RNF17: variants seen among roughly 807,000 people sequenced by gnomAD.
RNF17 encodes the protein ring finger protein 17.
Under a neutral mutation model 200.5 loss-of-function variants are expected in RNF17, and 31 were observed. The observed-to-expected ratio is 0.15, with a 90% confidence interval of 0.12 to 0.21. The LOEUF (loss-of-function observed/expected upper bound fraction) is 0.21. Ranked by LOEUF, RNF17 falls within the 10% of genes least tolerant of loss-of-function variation. The pLI, the probability that RNF17 is intolerant of heterozygous loss-of-function variation, is 1.00. For missense variants in RNF17, 1,628 were observed against 1,905.1 expected (o/e 0.85, Z 2.71); for synonymous variants, 606 against 637.8 (o/e 0.95, Z 0.75).
chr13:24,836,499 A>G (rs1890012967), intron 18 of RNF17, among the ~76,000 whole-genome samples: 1 of 152,244 alleles, frequency 6.6e-6, no homozygotes, highest in Non-Finnish European at 1.5e-5. Flanking sequence ...TCAGATTACC[A>G]GCAGATTTAT....
At chr13:24,883,985 C>T (rs746843303), downstream of RNF17, 2 of 1,614,110 alleles carry the variant, frequency 1.2e-6, no homozygotes, top group African/African-American at 1.3e-5. Flanking sequence ...ACAATTGTAC[C>T]ATCTGGGAAA....
chr13:24,886,159 ATC>A, the RNF17 span: 57 of 485,238 alleles, frequency 1.2e-4, no homozygotes, highest in African/African-American at 9.9e-4. Context: ...AGTGAGGTGA[ATC>A]TCTCTCTAAA....
chr13:24,778,119 G>A (rs753069066), intron 3 of RNF17, among the ~76,000 whole-genome samples, 176 bp from the exon 4 acceptor site: 8 of 152,084 alleles, frequency 5.3e-5, no homozygotes, highest in Non-Finnish European at 1.0e-4. Context: ...AAAATTAGCC[G>A]AGTGTGGTGG....
intron 3 of RNF17, among the ~76,000 whole-genome samples, chr13:24,775,456 G>A (rs1566118748): frequency 6.6e-6 from 1 of 152,048 alleles, no homozygotes; most frequent in East Asian, 1.9e-4. Context: ...TCATTGTGTT[G>A]CCCAAGCTGG....
chr13:24,858,878 T>C (rs1892802278), intron 25 of RNF17, 123 bp from the exon 26 acceptor site: 1 of 616,486 alleles, frequency 1.6e-6, no homozygotes, highest in South Asian at 2.3e-5. Context: ...ACACACAGAT[T>C]TTTACAAAAG....
intron 18 of RNF17, among the ~76,000 whole-genome samples, chr13:24,840,208 A>G (rs1265043023): frequency 6.6e-6 from 1 of 152,210 alleles, no homozygotes; most frequent in African/African-American, 2.4e-5. Context: ...AAATGGCCAT[A>G]GTCAAAAAAT....
At chr13:24,766,908 T>A (rs2137875418) in intron 1 of RNF17, among the ~76,000 whole-genome samples, 1 of 152,360 alleles carries the variant, frequency 6.6e-6, no homozygotes, top group Middle Eastern at 3.4e-3. Context: ...CCTCCTGACC[T>A]GAATAGTTGG....
intron 15 of RNF17, among the ~76,000 whole-genome samples, chr13:24,820,701 G>T (rs371277266): frequency 6.6e-6 from 1 of 152,150 alleles, no homozygotes; most frequent in Admixed American, 6.5e-5. Flanking sequence ...TCCCCAAAGT[G>T]CTGGGATTAC....
At chr13:24,782,407 A>C (rs1024548505) in intron 6 of RNF17, among the ~76,000 whole-genome samples, 2 of 151,816 alleles carry the variant, frequency 1.3e-5, no homozygotes, top group Non-Finnish European at 2.9e-5. Flanking sequence ...TACATTGTCC[A>C]TGCTTTTCCC....
chr13:24,853,950 C>T lies in RNF17; in HGVS notation c.3416C>T (p.Thr1139Ile). Reference protein sequence around the residue: ...EDSVVTNCIKTNFDPDKKTAD... With the variant: ...EDSVVTNCIKINFDPDKKTAD... ...TCAGTAGTTACTAACTGTATTAAAACTAACTTTGACCCTGACAAGAAAACT... is the reference window on the plus strand; with the variant it reads ...TCAGTAGTTACTAACTGTATTAAAATTAACTTTGACCCTGACAAGAAAACT... Residue 1139 changes from threonine to isoleucine, a missense_variant, in exon 25 of 36, where the codon ACT becomes ATT. By Grantham distance (89) the Thr-to-Ile change is moderately conservative. Coordinates refer to ENST00000255324, the MANE Select transcript of RNF17 (RefSeq NM_031277.3). The T allele has an allele frequency of 6.2e-7, 1 of 1,614,062 alleles. No homozygotes were observed. Among genetic ancestry groups the T allele is most frequent in the Non-Finnish European group, 8.5e-7 (1 of 1,179,942 alleles).
At chr13:24,771,323 C>CTTTTTTTTTTTTTTTTTT (rs35220494) in intron 2 of RNF17, among the ~76,000 whole-genome samples, 1 of 78,014 alleles carries the variant, frequency 1.3e-5, no homozygotes, top group African/African-American at 4.6e-5. Context: ...CACAGATAAT[C>CTTTTTTTTTTTTTTTTTT]TTTTTTTTTT....
chr13:24,771,637 G>A (rs1880710958), intron 2 of RNF17, among the ~76,000 whole-genome samples: 1 of 119,152 alleles, frequency 8.4e-6, no homozygotes, highest in South Asian at 2.9e-4. Context: ...TCTAGGTAGG[G>A]CTTTTTTTTT....
intron 26 of RNF17, among the ~76,000 whole-genome samples, chr13:24,860,276 T>C (rs1424999887): frequency 2.0e-5 from 3 of 152,040 alleles, no homozygotes; most frequent in African/African-American, 7.2e-5. Flanking sequence ...TCAAAATAAA[T>C]AAGATGGTGA....
At chr13:24,886,168 T>TA in the RNF17 span, 5 of 531,242 alleles carry the variant, frequency 9.4e-6, no homozygotes, top group South Asian at 7.8e-5. Context: ...AATCTCTCTC[T>TA]AAAAATACAC....
intron 10 of RNF17, 41 bp from the exon 11 acceptor site, chr13:24,796,096 A>T: frequency 6.9e-7 from 1 of 1,459,256 alleles, no homozygotes; most frequent in Non-Finnish European, 9.4e-7. Flanking sequence ...ATTATTTTCT[A>T]ACTCATGGTT....
chr13:24,864,309 G>A (rs1199483439), intron 28 of RNF17, among the ~76,000 whole-genome samples: 1 of 152,160 alleles, frequency 6.6e-6, no homozygotes, highest in Non-Finnish European at 1.5e-5. Flanking sequence ...AATTCAGTGA[G>A]GAGCAGTAAA....
chr13:24,830,248 C>A (rs115577210), intron 16 of RNF17, among the ~76,000 whole-genome samples: 2,976 of 152,212 alleles, frequency 0.02, 94 homozygotes, highest in African/African-American at 0.067. Context: ...ATTTTGTTAT[C>A]CTGATTTTGG....
chr13:24,858,768 A>G (rs1892786700), intron 25 of RNF17, among the ~76,000 whole-genome samples: 1 of 152,052 alleles, frequency 6.6e-6, no homozygotes, highest in Non-Finnish European at 1.5e-5. Context: ...ATATTAAGCT[A>G]GCTGGTATGT....
At chr13:24,883,938 TTCTGTGA>T, downstream of RNF17, 1 of 1,614,042 alleles carries the variant, frequency 6.2e-7, no homozygotes, top group Non-Finnish European at 8.5e-7. Flanking sequence ...TGAGTGGTTT[TTCTGTGA>T]ACATAATGTT....
Sources: allele counts gnomAD v4.1 joint callset (sites outside exome capture counted in the v4.1 genomes callset), GRCh38; gene constraint gnomAD v4.1.1; transcripts MANE v1.5; gene names NCBI Gene and HGNC (gene_info 2026-07-23, HGNC 2026-07-21).